ROGDI: variants seen among roughly 807,000 people sequenced by gnomAD.
The protein encoded by ROGDI is rogdi atypical leucine zipper.
Under a neutral mutation model 43.1 loss-of-function variants are expected in ROGDI, and 46 were observed. That is an observed-to-expected ratio of 1.07 (90% CI 0.84 to 1.37). The LOEUF (loss-of-function observed/expected upper bound fraction) is 1.37. Ranked by LOEUF, ROGDI falls within the 40% of genes most tolerant of loss-of-function variation. The pLI is 0.00. For synonymous variants in ROGDI, 243 were observed against 162.0 expected, an observed-to-expected ratio of 1.50 and a Z score of -3.80; for missense variants, 518 against 383.9, an observed-to-expected ratio of 1.35 and a Z score of -2.92.
rs1301411234 is a variant in ROGDI at position 4,800,551 on chromosome 16, T to C, written c.283A>G (p.Asn95Asp). The C allele has an allele frequency of 6.4e-7, 1 of 1,568,308 alleles. No individual in the cohort carries two copies. Among genetic ancestry groups the C allele is most frequent in the Admixed American group, 1.9e-5 (1 of 53,094 alleles). The stretch of plus-strand genomic sequence containing the variant: ...CGGAAGGCGAAGTGCAGCAGCTGGT[T>C]GTTCCGGGGCATCTTCAGGTTCACA... ...ADVNLKMPRN[N>D]QLLHFAFRED... The change falls in exon 5 of 11, where the codon AAC becomes GAC. Residue 95 changes from asparagine to aspartate, a missense_variant. By Grantham distance (23) the Asn-to-Asp change is conservative. Transcript: ENST00000322048.
chr16:4,800,248 G>A (rs2082699135), intron 5 of ROGDI, among the ~76,000 whole-genome samples: 1 of 152,186 alleles, frequency 6.6e-6, no homozygotes, highest in Admixed American at 6.5e-5. Context: ...CATCCAGCCA[G>A]CTGCTGTGGG....
chr16:4,799,558 C>A (rs1050260349), intron 6 of ROGDI, 128 bp downstream of exon 6: 14 of 625,180 alleles, frequency 2.2e-5, no homozygotes, highest in Middle Eastern at 2.7e-4. Flanking sequence ...AATGGAGACA[C>A]AGAGTCGGCA....
At position 4,801,097 on chromosome 16, in the gene ROGDI, C is replaced by A. The variant is rs539071981; in HGVS notation, c.255+170G>T. ...TGCACCTCTTACTGAATCTGCACAC[C>A]GATCCCGGGAGAAGGTGTGAGGGTT... On this transcript the variant is annotated intron_variant, in intron 4 of 10. Transcript: ENST00000322048. 58 of 575,070 alleles carry A rather than the reference C, an allele frequency of 1.0e-4. No individual in the cohort carries two copies. In the East Asian group the frequency reaches 1.6e-3, roughly 16 times the overall value. The allele number at this position is 575,070 out of a possible 1,614,324, so 35.6% of individuals were successfully genotyped here.
chr16:4,797,401 G>T lies in ROGDI; in HGVS notation c.*59C>A. On this transcript the variant is annotated 3_prime_UTR_variant, in exon 11 of 11. Transcript: ENST00000322048. Reference sequence around the variant, plus strand: ...GCGTTGGCACTGGCTGGTGCTCTGTGGTGGGTATGAGTAGGGGACGGGGCC... The same window carrying T: ...GCGTTGGCACTGGCTGGTGCTCTGTTGTGGGTATGAGTAGGGGACGGGGCC... 1 of 1,521,706 alleles carries T rather than the reference G, an allele frequency of 6.6e-7. No homozygotes were observed. The highest frequency in any genetic ancestry group is 9.0e-7 in the Non-Finnish European group (1 of 1,109,434). The allele number at this position is 1,521,706 out of a possible 1,614,324, so 94.3% of individuals were successfully genotyped here.
Position 4,797,981 on chromosome 16 carries a change from G to C in ROGDI, c.652C>G (p.Arg218Gly), listed in dbSNP as rs1232072886. 6.2e-7 allele frequency: 1 copy of C among 1,608,340 alleles called. No individual in the cohort carries two copies. Among genetic ancestry groups the C allele is most frequent in the East Asian group, 2.2e-5 (1 of 44,716 alleles). The change falls in exon 9 of 11, where the codon CGC becomes GGC. Residue 218 changes from arginine to glycine, a missense_variant. Coordinates refer to ENST00000322048, the MANE Select transcript of ROGDI (RefSeq NM_024589.3). ...ALQPNSTKNFRPAGGAVLHSP... is the reference protein window; with the variant it reads ...ALQPNSTKNFGPAGGAVLHSP... ...TGCAGCACCGCGCCCCCAGCTGGGC[G>C]GAAGTTCTAGGGAGAACAGCACCAG...
intron 9 of ROGDI, 22 bp from the exon 10 acceptor site, chr16:4,797,862 C>T: frequency 6.2e-7 from 1 of 1,609,384 alleles, no homozygotes; most frequent in East Asian, 2.2e-5. Context: ...GAGAGGGTCC[C>T]TGAGGAGGGT....
intron 6 of ROGDI, 111 bp from the exon 7 acceptor site, chr16:4,798,778 GT>G: frequency 1.1e-6 from 1 of 906,058 alleles, no homozygotes. Flanking sequence ...CTGTTCCCAG[GT>G]CCCGAAACCC....
rs2082746659 is a variant in ROGDI at position 4,802,519 on chromosome 16, C to G, written c.45+8G>C. 8.2e-7 allele frequency: 1 copy of G among 1,225,140 alleles called. No homozygotes were observed. Among genetic ancestry groups the G allele is most frequent in the South Asian group, 3.4e-5 (1 of 29,120 alleles). 75.9% of individuals were successfully genotyped at this position (1,225,140 alleles called of 1,614,324 possible). On this transcript the variant is annotated splice_region_variant and intron_variant, in intron 1 of 10. Coordinates refer to ENST00000322048, the MANE Select transcript of ROGDI (RefSeq NM_024589.3). Reference sequence around the variant, plus strand: ...CCGCCGGCCCGCCCGCTGGCCCGCGCGCCTTACCAGCACCGCCCGCTCCGC... The same window carrying G: ...CCGCCGGCCCGCCCGCTGGCCCGCGGGCCTTACCAGCACCGCCCGCTCCGC...
intron 6 of ROGDI, 123 bp downstream of exon 6, chr16:4,799,563 T>A: frequency 1.6e-6 from 1 of 618,342 alleles, no homozygotes; most frequent in Non-Finnish European, 2.9e-6. Flanking sequence ...AGACACAGAG[T>A]CGGCAGGTAA....
At chr16:4,800,053 A>G (rs1446536329) in intron 5 of ROGDI, among the ~76,000 whole-genome samples, 1 of 152,054 alleles carries the variant, frequency 6.6e-6, no homozygotes, top group Non-Finnish European at 1.5e-5. Context: ...GGAAGCAAAC[A>G]GGGCGACAAG....
Position 4,800,542 on chromosome 16 carries a change from G to T in ROGDI, c.292C>A (p.Leu98Met). 6.4e-7 allele frequency: 1 copy of T among 1,566,720 alleles called. No individual in the cohort carries two copies. The highest frequency in any genetic ancestry group is 8.7e-7 in the Non-Finnish European group (1 of 1,154,954). Residue 98 changes from leucine to methionine, a missense_variant, in exon 5 of 11, where the codon CTG becomes ATG. Physicochemically the swap from Leu to Met is conservative, Grantham distance 15. Transcript: ENST00000322048. Reference protein sequence around the residue: ...NLKMPRNNQLLHFAFREDKQW... With the variant: ...NLKMPRNNQLMHFAFREDKQW... ...TTGTCCTCCCGGAAGGCGAAGTGCA[G>T]CAGCTGGTTGTTCCGGGGCATCTTC...
At position 4,797,983 on chromosome 16, in the gene ROGDI, A is replaced by G. The variant is rs1187094787; in HGVS notation, c.650T>C (p.Phe217Ser). ...CAGCACCGCGCCCCCAGCTGGGCGG[A>G]AGTTCTAGGGAGAACAGCACCAGAC... The part of the protein sequence containing the change: ...HALQPNSTKN[F>S]RPAGGAVLHS... The change falls in exon 9 of 11, where the codon TTC becomes TCC. Residue 217 changes from phenylalanine to serine, a missense_variant. Transcript: ENST00000322048. 3.1e-6 allele frequency: 5 copies of G among 1,608,754 alleles called. No individual in the cohort carries two copies. Among genetic ancestry groups the G allele is most frequent in the Non-Finnish European group, 4.3e-6 (5 of 1,176,300 alleles).
At chr16:4,799,355 A>G (rs937222959) in intron 6 of ROGDI, among the ~76,000 whole-genome samples, 3 of 152,142 alleles carry the variant, frequency 2.0e-5, no homozygotes, top group Non-Finnish European at 4.4e-5. Context: ...GAGGACACAC[A>G]GCAAGTCAGG....
At chr16:4,798,995 T>C (rs56196587) in intron 6 of ROGDI, among the ~76,000 whole-genome samples, 82,666 of 151,928 alleles carry the variant, frequency 0.54, 23,178 homozygotes, top group African/African-American at 0.67. Context: ...CAAAGGTTGG[T>C]TGTAAAGGGC....
rs1324245486 is a variant in ROGDI, at chr16:4,798,640, T to A, written c.460A>T (p.Thr154Ser). The A allele has an allele frequency of 3.2e-6, 5 of 1,573,220 alleles. No individual in the cohort carries two copies. In the African/African-American group the frequency reaches 5.4e-5, roughly 17 times the overall value. ...KLMDAVMLQL[T>S]RARNRLTTPA... ...GTGGTGAGCCGGTTTCGGGCTCTGG[T>A]CAGCTGCAGCATCACTGCGTCCATC... Residue 154 changes from threonine (T) to serine (S), a missense_variant, in exon 7 of 11, where the codon ACC becomes TCC. Thr to Ser is a moderately conservative substitution (Grantham distance 58). Coordinates refer to ENST00000322048, the MANE Select transcript of ROGDI (RefSeq NM_024589.3).
chr16:4,797,315 C>A lies in ROGDI; in HGVS notation c.*145G>T. 1.4e-6 allele frequency: 1 copy of A among 725,610 alleles called. No homozygotes were observed. The highest frequency in any genetic ancestry group is 2.3e-6 in the Non-Finnish European group (1 of 443,866). 44.9% of individuals were successfully genotyped at this position (725,610 alleles called of 1,614,324 possible). A position where few individuals can be genotyped will look rare whatever the true frequency, so the allele number is the denominator to read the frequency against. On this transcript the variant is annotated 3_prime_UTR_variant, in exon 11 of 11. Coordinates refer to ENST00000322048, the MANE Select transcript of ROGDI (RefSeq NM_024589.3). ...CTCCTGGCACTTCCAGTGTCCATTC[C>A]CGGCAGTGCAAATGTGTTAGGTGGG...
rs747175840 is a variant in ROGDI, at chr16:4,801,465, G to A, written c.200+38C>T. ...ATGGCCATGCCTCCTACCCCCCAAG[G>A]TACCCATTTCCCCGGTTTCCGCCTA... On this transcript the variant is annotated intron_variant, in intron 3 of 10. Transcript: ENST00000322048. 6.3e-6 allele frequency: 10 copies of A among 1,582,804 alleles called. No individual in the cohort carries two copies. In the South Asian group the frequency reaches 1.1e-4, roughly 18 times the overall value.
intron 7 of ROGDI, 94 bp from the exon 8 acceptor site, chr16:4,798,278 TC>T: frequency 9.6e-7 from 1 of 1,036,588 alleles, no homozygotes; most frequent in Non-Finnish European, 1.5e-6. Flanking sequence ...CTGCAGGGGA[TC>T]CCAGTCCCCA....
At chr16:4,801,074 C>T (rs1244128602) in intron 4 of ROGDI, 193 bp downstream of exon 4, 2 of 551,322 alleles carry the variant, frequency 3.6e-6, no homozygotes, top group Non-Finnish European at 6.4e-6. Context: ...CCCTCTCCTG[C>T]ACCTCTTACT....
Sources: allele counts gnomAD v4.1 joint callset (sites outside exome capture counted in the v4.1 genomes callset), GRCh38; gene constraint gnomAD v4.1.1; transcripts MANE v1.5; gene names NCBI Gene and HGNC (gene_info 2026-07-23, HGNC 2026-07-21).